KMT2C: variants seen among roughly 807,000 people sequenced by gnomAD.
KMT2C encodes the protein lysine methyltransferase 2C.
In KMT2C, 88 loss-of-function variants were observed where a neutral mutation model predicts 507.9. The observed-to-expected ratio is 0.17, with a 90% CI of 0.15 to 0.21. The LOEUF is 0.21. KMT2C is among the 10% of genes least tolerant of loss of function. KMT2C has a pLI of 1.00. For synonymous variants in KMT2C, 2,049 were observed against 2,080.8 expected, an observed-to-expected ratio of 0.98 and a Z score of 0.42; for missense variants, 4,954 against 5,957.8, an observed-to-expected ratio of 0.83 and a Z score of 5.55.
chr7:152,377,053 ACT>A (rs1301410017), intron 1 of KMT2C, among the ~76,000 whole-genome samples: 6 of 152,286 alleles, frequency 3.9e-5, no homozygotes, highest in Admixed American at 3.3e-4. Flanking sequence ...ATAAAAACTG[ACT>A]CTCTTGTTAG....
At position 152,185,612 on chromosome 7, in the gene KMT2C, C is replaced by T. The variant is rs2129123355; in HGVS notation, c.5028G>A (p.Lys1676=). The change falls in exon 34 of 59, where the codon AAG becomes AAA. Residue 1676 remains lysine, a synonymous_variant. Transcript: ENST00000262189. ...CTTTTCTCCACAATTTGGCAATTTG[C>T]TTCACTCTAGTAGTCCAATCTGCAA... The part of the protein sequence containing the change: ...EEFPDWTTRV[K]QIAKLWRKAS... 6.2e-7 allele frequency: 1 copy of T among 1,613,268 alleles called. No individual in the cohort carries two copies. Among genetic ancestry groups the T allele is most frequent in the South Asian group, 1.1e-5 (1 of 91,058 alleles).
intron 2 of KMT2C, among the ~76,000 whole-genome samples, chr7:152,346,150 G>A (rs2097056050): frequency 6.6e-6 from 1 of 152,150 alleles, no homozygotes; most frequent in South Asian, 2.1e-4. Context: ...ATTATCGTTG[G>A]AAAGTTTAAC....
intron 1 of KMT2C, among the ~76,000 whole-genome samples, chr7:152,432,807 T>C (rs2097875995): frequency 6.6e-6 from 1 of 152,182 alleles, no homozygotes; most frequent in Non-Finnish European, 1.5e-5. Context: ...GTGGTGCATG[T>C]TTTTTTAAGC....
At chr7:152,351,238 C>CA (rs746640613) in intron 2 of KMT2C, among the ~76,000 whole-genome samples, 22 of 152,124 alleles carry the variant, frequency 1.4e-4, no homozygotes, top group Non-Finnish European at 1.6e-4. Context: ...ACCAGTAACA[C>CA]AGTCACTTAT....
chr7:152,434,356 A>G (rs139310649), intron 1 of KMT2C, among the ~76,000 whole-genome samples: 2 of 152,326 alleles, frequency 1.3e-5, no homozygotes, highest in African/African-American at 4.8e-5. Context: ...TTTCATAGTA[A>G]AAGGACAGCG....
chr7:152,190,053 C>T (rs1000751943), intron 31 of KMT2C, among the ~76,000 whole-genome samples: 7 of 152,082 alleles, frequency 4.6e-5, no homozygotes, highest in African/African-American at 1.4e-4. Flanking sequence ...AGTGTGCATG[C>T]GAGCATGTTC....
chr7:152,355,425 G>A (rs542019616), intron 2 of KMT2C, among the ~76,000 whole-genome samples: 1 of 152,192 alleles, frequency 6.6e-6, no homozygotes, highest in Non-Finnish European at 1.5e-5. Context: ...AGAGTCATTA[G>A]CATTTAGATA....
chr7:152,379,331 A>G (rs536096895), intron 1 of KMT2C, among the ~76,000 whole-genome samples: 1 of 152,146 alleles, frequency 6.6e-6, no homozygotes, highest in South Asian at 2.1e-4. Context: ...ACAGGTCTGG[A>G]GTTCAAGACC....
intron 49 of KMT2C, 44 bp from the exon 50 acceptor site, chr7:152,151,625 A>G: frequency 2.5e-6 from 4 of 1,575,912 alleles, no homozygotes; most frequent in Non-Finnish European, 3.5e-6. Context: ...CTGACTGATG[A>G]CACAAGGTGG....
At position 152,139,224 on chromosome 7, in the gene KMT2C, G is replaced by C; in HGVS notation, c.14496C>G (p.Asp4832Glu). ...CTGTGAGCGTCGCGTCAATCACATG[G>C]TCGTTATCCATGCGGAACATGTACA... Reference protein sequence around the residue: ...RGVYMFRMDNDHVIDATLTGG... With the variant: ...RGVYMFRMDNEHVIDATLTGG... Residue 4832 changes from aspartate (D) to glutamate (E), a missense_variant, in exon 57 of 59, where the codon GAC becomes GAG. Asp to Glu is a conservative substitution (Grantham distance 45, BLOSUM62 2). Around this residue, in one of 29 missense-constraint regions of KMT2C, gnomAD observed 133 missense variants for 258.9 expected, o/e 0.51. Coordinates refer to ENST00000262189, the MANE Select transcript of KMT2C (RefSeq NM_170606.3). 6.2e-7 allele frequency: 1 copy of C among 1,613,920 alleles called. No homozygotes were observed.
At chr7:152,258,326 T>C (rs1035266881) in intron 9 of KMT2C, among the ~76,000 whole-genome samples, 1 of 152,128 alleles carries the variant, frequency 6.6e-6, no homozygotes, top group African/African-American at 2.4e-5. Context: ...TTGAAGATAA[T>C]AGGAGCTCAT....
chr7:152,320,574 A>C (rs1409197745), intron 3 of KMT2C, among the ~76,000 whole-genome samples: 1 of 147,032 alleles, frequency 6.8e-6, no homozygotes, highest in Non-Finnish European at 1.5e-5. Flanking sequence ...GGATAGGAGA[A>C]ACTCAACCTG....
At chr7:152,314,054 A>G (rs2129201725) in intron 4 of KMT2C, among the ~76,000 whole-genome samples, 1 of 152,258 alleles carries the variant, frequency 6.6e-6, no homozygotes, top group South Asian at 2.1e-4. Context: ...TGTGTACTCA[A>G]CTGACAACTA....
intron 1 of KMT2C, among the ~76,000 whole-genome samples, chr7:152,435,009 G>C (rs1281581328): frequency 6.6e-6 from 1 of 152,104 alleles, no homozygotes; most frequent in African/African-American, 2.4e-5. Context: ...TGCGGTGCTG[G>C]GTGTTGGGGG....
At chr7:152,215,891 C>T (rs2094571501) in intron 23 of KMT2C, among the ~76,000 whole-genome samples, 1 of 152,054 alleles carries the variant, frequency 6.6e-6, no homozygotes, top group Non-Finnish European at 1.5e-5. Context: ...AATTTTAAAT[C>T]ATTTGAATGT....
intron 6 of KMT2C, among the ~76,000 whole-genome samples, chr7:152,299,196 T>C (rs1245413866): frequency 6.6e-5 from 10 of 151,930 alleles, no homozygotes; most frequent in Non-Finnish European, 1.5e-4. Context: ...TGCACGTCTG[T>C]AATCCCAGCT....
intron 9 of KMT2C, among the ~76,000 whole-genome samples, chr7:152,256,000 C>G (rs1469097040): frequency 2.0e-5 from 3 of 152,170 alleles, no homozygotes; most frequent in Non-Finnish European, 4.4e-5. Context: ...AAAACCCTAT[C>G]TCTACTAAAA....
intron 3 of KMT2C, among the ~76,000 whole-genome samples, chr7:152,325,217 T>C (rs978867291): frequency 9.9e-5 from 15 of 151,868 alleles, no homozygotes; most frequent in African/African-American, 2.7e-4. Flanking sequence ...AATGGTGCGA[T>C]CTTGGCTCAC....
intron 6 of KMT2C, among the ~76,000 whole-genome samples, chr7:152,294,391 G>A (rs1204994785): frequency 6.6e-6 from 1 of 152,086 alleles, no homozygotes; most frequent in Non-Finnish European, 1.5e-5. Context: ...ACATGACCTG[G>A]GGAAGAAGTC....
Sources: allele counts gnomAD v4.1 joint callset (sites outside exome capture counted in the v4.1 genomes callset), GRCh38; gene constraint gnomAD v4.1.1; regional missense constraint gnomAD v4.1.1; transcripts MANE v1.5; gene names NCBI Gene and HGNC (gene_info 2026-07-23, HGNC 2026-07-21).